OSBPL2: variants seen among roughly 807,000 people sequenced by gnomAD.
The protein encoded by OSBPL2 is oxysterol-binding protein-related protein 2.
In OSBPL2, 18 loss-of-function variants were observed where a neutral mutation model predicts 58.4. That is an observed-to-expected ratio of 0.31 (90% CI 0.21 to 0.46). The LOEUF (loss-of-function observed/expected upper bound fraction) is 0.46, where lower values mean the gene tolerates loss of function less well. Among genes scored for constraint, OSBPL2 ranks in the 20% least tolerant of loss-of-function variants. The pLI is 1.00. For missense variants in OSBPL2, 461 were observed against 616.5 expected, an observed-to-expected ratio of 0.75 and a Z score of 2.67; for synonymous variants, 221 against 234.1, an observed-to-expected ratio of 0.94 and a Z score of 0.51.
rs59241179 is a variant in OSBPL2 at position 62,268,271 on chromosome 20, CATTT to C, written c.259-3853_259-3850del. Among the ~76,000 whole-genome samples, 1,518 of 152,184 alleles carry C rather than the reference CATTT, an allele frequency of 1.0e-2. 22 individuals are homozygous for C. The highest frequency in any genetic ancestry group is 0.034 in the African/African-American group (1,424 of 41,516). On this transcript the variant is annotated intron_variant, in intron 4 of 13. Transcript: ENST00000313733. Reference sequence around the variant, plus strand: ...TGCCACCAAAGGAATGACATAGGTTCATTTGTTTCATTTTTGATATTGAGAGATG... The same window carrying C: ...TGCCACCAAAGGAATGACATAGGTTCGTTTCATTTTTGATATTGAGAGATG...
At chr20:62,247,773 TCCTGCCTCAGCCTC>T (rs1980229114) in intron 1 of OSBPL2, among the ~76,000 whole-genome samples, 1 of 151,682 alleles carries the variant, frequency 6.6e-6, no homozygotes, top group Non-Finnish European at 1.5e-5. Context: ...CAAGCTATTC[TCCTGCCTCAGCCTC>T]CCTAGTAGCT....
intron 4 of OSBPL2, among the ~76,000 whole-genome samples, chr20:62,266,200 G>C (rs6143008): frequency 0.43 from 64,723 of 152,034 alleles, 13,842 homozygotes; most frequent in Middle Eastern, 0.47. Flanking sequence ...GCATTCCCTA[G>C]GTGAGGGTTG....
chr20:62,284,872 T>G (rs532919009), intron 10 of OSBPL2: 8 of 152,370 alleles, frequency 5.3e-5, no homozygotes, highest in African/African-American at 1.9e-4. Context: ...TGAGTTAGCC[T>G]AGACATATTG....
chr20:62,289,735 C>A (rs189034691), intron 12 of OSBPL2, among the ~76,000 whole-genome samples: 77 of 152,232 alleles, frequency 5.1e-4, no homozygotes, highest in Non-Finnish European at 3.5e-4. Context: ...AAAACTCCAT[C>A]TCTACTAAAA....
chr20:62,262,755 T>C (rs1246008732), intron 3 of OSBPL2, among the ~76,000 whole-genome samples: 1 of 152,170 alleles, frequency 6.6e-6, no homozygotes, highest in Non-Finnish European at 1.5e-5. Flanking sequence ...GGTCAGAGTG[T>C]TGGTGCCAAG....
In OSBPL2 at chr20:62,293,786, T is replaced by G; in HGVS notation, c.1342T>G (p.Trp448Gly). The change falls in exon 14 of 14, where the codon TGG (tryptophan) becomes GGG (glycine). Residue 448 changes from tryptophan (W) to glycine (G), a missense_variant and splice_region_variant. Around this residue, in one of 5 missense-constraint regions of OSBPL2, gnomAD observed 319 missense variants for 419.2 expected, o/e 0.76. Transcript: ENST00000313733. ...AKEEAEWQTRWFYPGNNPYTG... is the reference protein window; with the variant it reads ...AKEEAEWQTRGFYPGNNPYTG... The stretch of plus-strand genomic sequence containing the variant: ...ACCCCCCTCCCTTGTATCCGGCAGG[T>G]GGTTCTACCCAGGCAATAACCCCTA... The G allele has an allele frequency of 4.3e-6, 7 of 1,613,340 alleles. No homozygotes were observed. The highest frequency in any genetic ancestry group is 5.9e-6 in the Non-Finnish European group (7 of 1,179,744).
chr20:62,284,121 C>G lies in OSBPL2; in HGVS notation c.948C>G (p.Ser316=), dbSNP rs1416684227. 12 of 1,614,022 alleles carry G rather than the reference C, an allele frequency of 7.4e-6. No individual in the cohort carries two copies. Among genetic ancestry groups the G allele is most frequent in the Non-Finnish European group, 1.0e-5 (12 of 1,179,980 alleles). Residue 316 remains serine (S), a synonymous_variant, in exon 10 of 14, where the codon TCC becomes TCG. Transcript: ENST00000313733. ...LWGIDPVSYE[S]FKKQERRGDH... ...GCATAGATCCTGTTTCGTATGAATCCTTCAAGAAGCAGGAGAGGAGAGGTG... is the reference window on the plus strand; with the variant it reads ...GCATAGATCCTGTTTCGTATGAATCGTTCAAGAAGCAGGAGAGGAGAGGTG...
At position 62,256,234 on chromosome 20, in the gene OSBPL2, A is replaced by G. The variant is rs1980914078; in HGVS notation, c.37+13A>G. On this transcript the variant is annotated intron_variant, in intron 2 of 13. Coordinates refer to ENST00000313733, the MANE Select transcript of OSBPL2 (RefSeq NM_144498.4). ...GATGCCGTCACAGGTGAGTCAAAAG[A>G]GAACCAACTGGGGACGTACTGGAAG... 4.3e-6 allele frequency: 7 copies of G among 1,612,690 alleles called. No homozygotes were observed. Among genetic ancestry groups the G allele is most frequent in the Non-Finnish European group, 5.1e-6 (6 of 1,178,884 alleles).
intron 11 of OSBPL2, among the ~76,000 whole-genome samples, chr20:62,287,823 C>T (rs939622785): frequency 8.6e-5 from 13 of 152,030 alleles, no homozygotes; most frequent in Admixed American, 6.5e-5. Context: ...TCAGGGAAGT[C>T]TCTTTAAAGA....
intron 3 of OSBPL2, among the ~76,000 whole-genome samples, chr20:62,262,102 AC>A (rs1981354615): frequency 7.8e-6 from 1 of 129,018 alleles, no homozygotes; most frequent in East Asian, 2.6e-4. Flanking sequence ...CCACCCCGTC[AC>A]CCTCTGCCTA....
Position 62,291,747 on chromosome 20 carries a change from G to A in OSBPL2, c.1294G>A (p.Glu432Lys), listed in dbSNP as rs1412748123. The change falls in exon 13 of 14, where the codon GAA becomes AAA. Residue 432 changes from glutamate to lysine, a missense_variant. Transcript: ENST00000313733. ...GGAGCGGCTGGAGGAGAAGCAGAGA[G>A]AAGCACGGAGGGAGCGGGCCAAGGA... ...EKERLEEKQR[E>K]ARRERAKEEA... 6.2e-7 allele frequency: 1 copy of A among 1,613,418 alleles called. No homozygotes were observed.
chr20:62,251,375 G>T (rs575748319), intron 1 of OSBPL2, among the ~76,000 whole-genome samples: 12 of 145,896 alleles, frequency 8.2e-5, no homozygotes, highest in Non-Finnish European at 1.7e-4. Context: ...TTTTTTTAGG[G>T]TTCTCTCAAA....
At chr20:62,256,354 C>A in intron 2 of OSBPL2, 133 bp downstream of exon 2, 1 of 714,998 alleles carries the variant, frequency 1.4e-6, no homozygotes, top group Non-Finnish European at 2.3e-6. Flanking sequence ...CGATCCCAAA[C>A]ACGGACTGTT....
intron 1 of OSBPL2, chr20:62,242,252 A>G (rs1446339990): frequency 6.6e-6 from 1 of 152,228 alleles, no homozygotes; most frequent in Non-Finnish European, 1.5e-5. Context: ...TGATAATAAA[A>G]GCATCTGTTA....
rs1378528759 is a variant in OSBPL2, at chr20:62,288,646, T to A, written c.1126-561T>A. On this transcript the variant is annotated intron_variant, in intron 11 of 13. Transcript: ENST00000313733. This position sits in a 1 kb window ranked among gnomAD's most constrained non-coding sequence, Gnocchi z 4.8. ...GGGTGCTGCCGCAGGCCTGCTCGGGTGTGCTGTCCACAAGACGCCGAGCAG... is the reference window on the plus strand; with the variant it reads ...GGGTGCTGCCGCAGGCCTGCTCGGGAGTGCTGTCCACAAGACGCCGAGCAG... Among the ~76,000 whole-genome samples the A allele has an allele frequency of 6.6e-6, 1 of 152,026 alleles. No homozygotes were observed.
Position 62,273,306 on chromosome 20 carries a change from C to G in OSBPL2, c.394-3C>G. The G allele has an allele frequency of 6.2e-7, 1 of 1,606,114 alleles. No homozygotes were observed. Among genetic ancestry groups the G allele is most frequent in the Non-Finnish European group, 8.5e-7 (1 of 1,177,208 alleles). ...GCCTGTCCCCCCCGTGGATTATTTACAGTCTGTGGCTGCTTTTGCTGTTTC... is the reference window on the plus strand; with the variant it reads ...GCCTGTCCCCCCCGTGGATTATTTAGAGTCTGTGGCTGCTTTTGCTGTTTC... On this transcript the variant is annotated splice_region_variant and splice_polypyrimidine_tract_variant and intron_variant, in intron 5 of 13. Coordinates refer to ENST00000313733, the MANE Select transcript of OSBPL2 (RefSeq NM_144498.4).
At position 62,268,259 on chromosome 20, in the gene OSBPL2, A is replaced by G. The variant is rs980678162; in HGVS notation, c.259-3866A>G. 3.7e-4 allele frequency among the ~76,000 whole-genome samples: 56 copies of G among 152,006 alleles called. 1 individual carries two copies. The highest frequency in any genetic ancestry group is 1.5e-4 in the Non-Finnish European group (10 of 68,024). ...GCTGGGTGATTGTGCCACCAAAGGA[A>G]TGACATAGGTTCATTTGTTTCATTT... On this transcript the variant is annotated intron_variant, in intron 4 of 13. Transcript: ENST00000313733.
intron 6 of OSBPL2, chr20:62,278,464 T>C (rs528325962): frequency 1.1e-5 from 2 of 177,806 alleles, no homozygotes; most frequent in South Asian, 1.5e-4. Context: ...CATGTTTGTG[T>C]GTGTGTCTGT....
At chr20:62,289,654 A>G (rs962784565) in intron 12 of OSBPL2, among the ~76,000 whole-genome samples, 5 of 152,256 alleles carry the variant, frequency 3.3e-5, no homozygotes, top group African/African-American at 7.2e-5. Flanking sequence ...CTATAACCCC[A>G]GCACTTTGGG....
Sources: gnomAD v4.1 joint callset for allele counts (sites outside exome capture counted in the v4.1 genomes callset) on GRCh38, gnomAD v4.1.1 for gene constraint, gnomAD v4.1.1 regional missense constraint, Gnocchi (gnomAD v3.1) non-coding constraint, MANE v1.5 for transcripts, NCBI Gene and HGNC (gene_info 2026-07-23, HGNC 2026-07-21) for gene names.